The following PTPRO variants were observed in gnomAD, a reference collection of about 807,000 sequenced individuals.
The protein encoded by PTPRO is protein tyrosine phosphatase receptor type O.
A neutral mutation model predicts 145.2 loss-of-function variants in PTPRO; 62 were observed. The observed-to-expected ratio is 0.43, with a 90% confidence interval of 0.35 to 0.53. PTPRO has a LOEUF of 0.53. Among genes scored for constraint, PTPRO ranks in the 20% least tolerant of loss-of-function variants. PTPRO has a pLI of 0.01. For synonymous variants in PTPRO, 565 were observed against 514.7 expected (o/e 1.10, Z -1.32); for missense variants, 1,345 against 1,482.7 (o/e 0.91, Z 1.53).
rs149725305 is a variant in PTPRO at position 15,394,107 on chromosome 12, C to T, written c.75+71306C>T. 6.8e-3 allele frequency among the ~76,000 whole-genome samples: 1,031 copies of T among 152,250 alleles called. 15 individuals are homozygous for T. Among genetic ancestry groups the T allele is most frequent in the African/African-American group, 0.024 (988 of 41,552 alleles). On this transcript the variant is annotated intron_variant, in intron 1 of 26. Coordinates refer to ENST00000281171, the MANE Select transcript of PTPRO (RefSeq NM_030667.3). The stretch of plus-strand genomic sequence containing the variant: ...GAGGCCAGAGCCCTGATGACCCAAT[C>T]ATCTCTTAAAAGCCCCACCTCCCAA...
intron 1 of PTPRO, among the ~76,000 whole-genome samples, chr12:15,418,625 G>A (rs1940048946): frequency 6.6e-6 from 1 of 151,722 alleles, no homozygotes; most frequent in South Asian, 2.1e-4. Flanking sequence ...TAGAGAAAAG[G>A]GGATTCCTGG....
chr12:15,414,144 C>G (rs1939879820), intron 1 of PTPRO, among the ~76,000 whole-genome samples: 1 of 152,104 alleles, frequency 6.6e-6, no homozygotes, highest in South Asian at 2.1e-4. Context: ...ATACTGATAC[C>G]CAGAAGTAAT....
chr12:15,493,089 A>C (rs574428935), intron 2 of PTPRO, among the ~76,000 whole-genome samples: 3 of 152,318 alleles, frequency 2.0e-5, no homozygotes, highest in South Asian at 4.1e-4. Flanking sequence ...TAAGCTTGAA[A>C]GGTACAAGAG....
At chr12:15,558,014 A>G (rs1268703249) in intron 16 of PTPRO, among the ~76,000 whole-genome samples, 1 of 151,978 alleles carries the variant, frequency 6.6e-6, no homozygotes, top group Non-Finnish European at 1.5e-5. Flanking sequence ...AACTCACTGC[A>G]ATCTCTGCCT....
chr12:15,418,098 C>G (rs1940032528), intron 1 of PTPRO, among the ~76,000 whole-genome samples: 4 of 151,750 alleles, frequency 2.6e-5, no homozygotes, highest in African/African-American at 9.7e-5. Flanking sequence ...CTATTTTTTT[C>G]TTAGTAAAAC....
chr12:15,324,720 A>C, intron 1 of PTPRO, among the ~76,000 whole-genome samples: 1 of 152,274 alleles, frequency 6.6e-6, no homozygotes, highest in South Asian at 2.1e-4. Flanking sequence ...AGAAGAAAAA[A>C]CTGTATATAT....
chr12:15,351,797 A>G (rs1170161371), intron 1 of PTPRO, among the ~76,000 whole-genome samples: 1 of 152,174 alleles, frequency 6.6e-6, no homozygotes, highest in South Asian at 2.1e-4. Context: ...ACAAAAAAAC[A>G]TTGCTCCTTC....
intron 1 of PTPRO, among the ~76,000 whole-genome samples, chr12:15,388,404 G>A (rs1939090611): frequency 6.6e-6 from 1 of 152,088 alleles, no homozygotes; most frequent in Non-Finnish European, 1.5e-5. Flanking sequence ...AAACTGCACT[G>A]AAGCTTTTTT....
intron 1 of PTPRO, among the ~76,000 whole-genome samples, chr12:15,324,136 G>A (rs556199677): frequency 6.6e-6 from 1 of 152,202 alleles, no homozygotes; most frequent in East Asian, 1.9e-4. Context: ...GACTTATTAG[G>A]TTGTCTATTA....
At chr12:15,548,619 T>C (rs1943365392) in intron 13 of PTPRO, among the ~76,000 whole-genome samples, 1 of 152,012 alleles carries the variant, frequency 6.6e-6, no homozygotes, top group Admixed American at 6.6e-5. Context: ...TTGTTTGCAA[T>C]AGCAAAAAAT....
chr12:15,456,035 CT>C (rs1339415795), intron 1 of PTPRO, among the ~76,000 whole-genome samples: 7 of 152,144 alleles, frequency 4.6e-5, no homozygotes, highest in African/African-American at 1.7e-4. Flanking sequence ...AAGTGGGCAT[CT>C]TTGTCTTGTT....
chr12:15,452,591 G>C (rs948961129), intron 1 of PTPRO, among the ~76,000 whole-genome samples: 5 of 152,004 alleles, frequency 3.3e-5, no homozygotes, highest in African/African-American at 1.2e-4. Context: ...GATGCAAAAA[G>C]TCCTTAACAA....
At chr12:15,332,387 T>TTATATATCCCATCA (rs1866638608) in intron 1 of PTPRO, among the ~76,000 whole-genome samples, 1 of 152,286 alleles carries the variant, frequency 6.6e-6, no homozygotes, top group African/African-American at 2.4e-5. Context: ...CATCCCAACT[T>TTATATATCCCATCA]TCTTATAAAA....
rs767761855 is a variant in PTPRO at position 15,384,780 on chromosome 12, C to T, written c.75+61979C>T. The stretch of plus-strand genomic sequence containing the variant: ...ATAAAGAATTTGAGTGGTTTAAAAC[C>T]TTTTTATTTTTGTGAATGCTACAAT... On this transcript the variant is annotated intron_variant, in intron 1 of 26. Transcript: ENST00000281171. 2.0e-5 allele frequency among the ~76,000 whole-genome samples: 3 copies of T among 152,146 alleles called. No homozygotes were observed. The South Asian group carries it at 6.2e-4, about 32-fold the overall frequency.
intron 10 of PTPRO, among the ~76,000 whole-genome samples, chr12:15,521,900 G>A (rs946850606): frequency 3.9e-5 from 6 of 152,202 alleles, no homozygotes; most frequent in African/African-American, 1.4e-4. Context: ...GACATAGCAA[G>A]TGTGGATCAA....
chr12:15,451,716 A>C (rs1187216088), intron 1 of PTPRO, among the ~76,000 whole-genome samples: 1 of 152,206 alleles, frequency 6.6e-6, no homozygotes, highest in African/African-American at 2.4e-5. Flanking sequence ...GCAAATACAT[A>C]GAAATTAAAT....
At chr12:15,421,332 T>C (rs1940139056) in intron 1 of PTPRO, among the ~76,000 whole-genome samples, 1 of 152,150 alleles carries the variant, frequency 6.6e-6, no homozygotes, top group Admixed American at 6.5e-5. Flanking sequence ...ATTCACTGGC[T>C]AGAACACGGT....
At chr12:15,567,980 A>G (rs1943945001) in intron 18 of PTPRO, among the ~76,000 whole-genome samples, 1 of 152,222 alleles carries the variant, frequency 6.6e-6, no homozygotes, top group African/African-American at 2.4e-5. Flanking sequence ...AGTTATTGTT[A>G]TTAAGTAAAA....
At chr12:15,468,074 T>A (rs1941457222) in intron 1 of PTPRO, among the ~76,000 whole-genome samples, 2 of 152,200 alleles carry the variant, frequency 1.3e-5, no homozygotes, top group Admixed American at 6.5e-5. Flanking sequence ...ATTTCTTTAT[T>A]CTTTATTCTT....
Sources: allele counts gnomAD v4.1 joint callset (sites outside exome capture counted in the v4.1 genomes callset), GRCh38; gene constraint gnomAD v4.1.1; transcripts MANE v1.5; gene names NCBI Gene and HGNC (gene_info 2026-07-23, HGNC 2026-07-21).